The following ZSCAN12 variants were observed in gnomAD, a reference collection of about 807,000 sequenced individuals.
ZSCAN12 encodes zinc finger and SCAN domain-containing protein 12.
ZSCAN12 carries 18 observed loss-of-function variants against 23.4 expected under a neutral mutation model. The observed-to-expected ratio is 0.77, with a 90% CI of 0.53 to 1.14. The LOEUF is 1.14. Among genes scored for constraint, ZSCAN12 ranks in the 50% most tolerant of loss-of-function variants. The probability of loss-of-function intolerance (pLI) is 0.00; values close to 1 mark genes in which losing one functional copy is unlikely to be tolerated. For synonymous variants in ZSCAN12, 186 were observed against 253.4 expected, an observed-to-expected ratio of 0.73 and a Z score of 2.53; for missense variants, 650 against 735.0, an observed-to-expected ratio of 0.88 and a Z score of 1.34.
Position 28,390,814 on chromosome 6 carries a change from A to C in ZSCAN12, c.1476T>G (p.Thr492=), listed in dbSNP as rs972769129. 8.8e-6 allele frequency: 14 copies of C among 1,599,240 alleles called. No individual in the cohort carries two copies. Among genetic ancestry groups the C allele is most frequent in the Non-Finnish European group, 1.2e-5 (14 of 1,172,368 alleles). The part of the protein sequence containing the change: ...TSLTEHQRIH[T]GERPYKCDKC... ...TATCACATTTATAGGGTCTTTCTCC[A>C]GTGTGAATTCGCTGATGTTCTGTAA... The change falls in exon 4 of 4, where the codon ACT becomes ACG. Residue 492 remains threonine (T), a synonymous_variant. Transcript: ENST00000684592.
chr6:28,392,826 A>T lies in ZSCAN12; in HGVS notation c.547+76T>A, dbSNP rs115985571. ...TTTGACTTTAATGATCAGAAACAGT[A>T]GCAAGTACAAAAAAGCCCCAATGTC... On this transcript the variant is annotated intron_variant, in intron 3 of 3. Coordinates refer to ENST00000684592, the MANE Select transcript of ZSCAN12 (RefSeq NM_001163391.2). The T allele has an allele frequency of 2.6e-3, 3,842 of 1,480,344 alleles. 81 individuals are homozygous for T. The African/African-American group carries it at 0.045, about 17-fold the overall frequency. The allele number at this position is 1,480,344 out of a possible 1,614,324, so 91.7% of individuals were successfully genotyped here.
At chr6:28,381,214 A>G (rs1760217913), downstream of ZSCAN12, 1 of 152,240 alleles carries the variant, frequency 6.6e-6, no homozygotes, top group Admixed American at 6.5e-5. Context: ...AAACCAAGAG[A>G]AAGTTTAATT....
chr6:28,396,628 G>A (rs1391354656), intron 2 of ZSCAN12, among the ~76,000 whole-genome samples: 3 of 151,600 alleles, frequency 2.0e-5, no homozygotes, highest in Admixed American at 1.3e-4. Context: ...TTTTTTAAAC[G>A]GAGTCTCACT....
At position 28,393,001 on chromosome 6, in the gene ZSCAN12, C is replaced by T. The variant is rs1432936368; in HGVS notation, c.448G>A (p.Val150Ile). ...GEQEMFLQET[V>I]RLRKEGEPSM... ...GGTTCTCCTTCTTTTCGTAGACGTA[C>T]CGTCTCCTGCAAGAACATTTCCTGT... The change falls in exon 3 of 4, where the codon GTA becomes ATA. Residue 150 changes from valine (V) to isoleucine (I), a missense_variant. Coordinates refer to ENST00000684592, the MANE Select transcript of ZSCAN12 (RefSeq NM_001163391.2). 1.3e-6 allele frequency: 2 copies of T among 1,551,842 alleles called. No homozygotes were observed. The highest frequency in any genetic ancestry group is 8.7e-7 in the Non-Finnish European group (1 of 1,146,984).
downstream of ZSCAN12, chr6:28,381,675 CAG>C (rs1760251817): frequency 6.6e-6 from 1 of 152,070 alleles, no homozygotes; most frequent in Non-Finnish European, 1.5e-5. Flanking sequence ...TCTTTCTCTC[CAG>C]AGATGCTCTC....
rs945210026 is a variant in ZSCAN12 at position 28,385,705 on chromosome 6, G to A, written c.*4749C>T. Among the ~76,000 whole-genome samples, 73 of 152,178 alleles carry A rather than the reference G, an allele frequency of 4.8e-4. No individual in the cohort carries two copies. The highest frequency in any genetic ancestry group is 1.5e-3 in the Admixed American group (23 of 15,282). ...CTGAAAGTGAAATGTTGTAAGTAAA[G>A]CATTTAGTAATGTCTGGCCCTTAGT... is the stretch of plus-strand genomic sequence containing the variant. On this transcript the variant is annotated 3_prime_UTR_variant, in exon 4 of 4. Transcript: ENST00000684592.
At chr6:28,396,534 C>T (rs1203852955) in intron 2 of ZSCAN12, among the ~76,000 whole-genome samples, 2 of 152,196 alleles carry the variant, frequency 1.3e-5, no homozygotes, top group South Asian at 2.1e-4. Flanking sequence ...CACTTCCAAA[C>T]AGTTCTTACC....
In ZSCAN12 at chr6:28,388,027, C is replaced by A. The variant is rs1023463593; in HGVS notation, c.*2427G>T. On this transcript the variant is annotated 3_prime_UTR_variant, in exon 4 of 4. Transcript: ENST00000684592. ...GGCTTTGGAGCCGCAAGCAGCTGAA[C>A]CTTGGTTTGGTTACAAGTTTGCATT... Among the ~76,000 whole-genome samples, 1 of 152,260 alleles carries A rather than the reference C, an allele frequency of 6.6e-6. No individual in the cohort carries two copies. Among genetic ancestry groups the A allele is most frequent in the South Asian group, 2.1e-4 (1 of 4,826 alleles).
chr6:28,380,356 GAAGC>G (rs769585255), downstream of ZSCAN12: 2 of 152,296 alleles, frequency 1.3e-5, no homozygotes, highest in South Asian at 4.1e-4. Context: ...CTCCAATGCT[GAAGC>G]AAGCATCTCC....
chr6:28,390,030 C>T lies in ZSCAN12; in HGVS notation c.*424G>A, dbSNP rs36092177. 0.055 allele frequency among the ~76,000 whole-genome samples: 8,304 copies of T among 152,222 alleles called. 329 individuals are homozygous for T. Among genetic ancestry groups the T allele is most frequent in the Non-Finnish European group, 0.088 (5,973 of 68,014 alleles). On this transcript the variant is annotated 3_prime_UTR_variant, in exon 4 of 4. Transcript: ENST00000684592. Reference sequence around the variant, plus strand: ...TATGATGGCTTACATTTGTTTTACCCGCTTTCTCCCTTTTGACTGCTAAGT... The same window carrying T: ...TATGATGGCTTACATTTGTTTTACCTGCTTTCTCCCTTTTGACTGCTAAGT...
rs553111564 is a variant in ZSCAN12, at chr6:28,385,489, A to G, written c.*4965T>C. Reference sequence around the variant, plus strand: ...GACTGGAGATAAAAAGTTTTTACAGATAATTACTCAAGACACTGAATTACC... The same window carrying G: ...GACTGGAGATAAAAAGTTTTTACAGGTAATTACTCAAGACACTGAATTACC... On this transcript the variant is annotated 3_prime_UTR_variant, in exon 4 of 4. Coordinates refer to ENST00000684592, the MANE Select transcript of ZSCAN12 (RefSeq NM_001163391.2). 1.2e-3 allele frequency among the ~76,000 whole-genome samples: 183 copies of G among 152,316 alleles called. 1 individual carries two copies. Among genetic ancestry groups the G allele is most frequent in the Non-Finnish European group, 2.1e-3 (143 of 68,026 alleles).
intron 2 of ZSCAN12, 114 bp from the exon 3 acceptor site, chr6:28,393,160 G>T (rs1459864952): frequency 4.5e-6 from 5 of 1,099,564 alleles, no homozygotes; most frequent in African/African-American, 1.6e-5. Flanking sequence ...ATATAAGCCT[G>T]CCATAACCCT....
rs9468365 is a variant in ZSCAN12 at position 28,390,189 on chromosome 6, A to T, written c.*265T>A. On this transcript the variant is annotated 3_prime_UTR_variant, in exon 4 of 4. Coordinates refer to ENST00000684592, the MANE Select transcript of ZSCAN12 (RefSeq NM_001163391.2). ...TTCATTCGACACCATCTGGTGCATC[A>T]ATTCTACTCTCCTGTAGTCTTATAT... 0.35 allele frequency among the ~76,000 whole-genome samples: 53,790 copies of T among 152,050 alleles called. 10,241 individuals carry two copies. Among genetic ancestry groups the T allele is most frequent in the African/African-American group, 0.5 (20,523 of 41,458 alleles).
In ZSCAN12 at chr6:28,398,103, C is replaced by G; in HGVS notation, c.303G>C (p.Glu101Asp). 3.1e-6 allele frequency: 5 copies of G among 1,614,140 alleles called. No homozygotes were observed. The Admixed American group carries it at 6.7e-5, about 22-fold the overall frequency. ...GCTGCTCCTGCACCCAGGCCTGGAG[C>G]TCCTCAGGTAGGATGGTCAGGAACT... Reference protein sequence around the residue: ...LEQFLTILPEELQAWVQEQHP... With the variant: ...LEQFLTILPEDLQAWVQEQHP... The change falls in exon 2 of 4, where the codon GAG (glutamate) becomes GAC (aspartate). Residue 101 changes from glutamate to aspartate, a missense_variant. Transcript: ENST00000684592.
At position 28,398,132 on chromosome 6, in the gene ZSCAN12, C is replaced by T; in HGVS notation, c.274G>A (p.Glu92Lys). The T allele has an allele frequency of 6.2e-7, 1 of 1,614,142 alleles. No homozygotes were observed. Among genetic ancestry groups the T allele is most frequent in the Non-Finnish European group, 8.5e-7 (1 of 1,180,024 alleles). ...TCAGGTAGGATGGTCAGGAACTGCT[C>T]CAGCACCAGCAGCTCCAGAATCTGT... ...KEQILELLVLEQFLTILPEEL... is the reference protein window; with the variant it reads ...KEQILELLVLKQFLTILPEEL... Residue 92 changes from glutamate to lysine, a missense_variant, in exon 2 of 4, where the codon GAG becomes AAG. Physicochemically the swap from Glu to Lys is moderately conservative, Grantham distance 56 (BLOSUM62 1). Transcript: ENST00000684592.
rs1169078388 is a variant in ZSCAN12, at chr6:28,389,544, A to C, written c.*910T>G. 6.6e-6 allele frequency among the ~76,000 whole-genome samples: 1 copy of C among 152,206 alleles called. No homozygotes were observed. Among genetic ancestry groups the C allele is most frequent in the Non-Finnish European group, 1.5e-5 (1 of 68,028 alleles). ...TATTAAGTAACTGTGGAGCTATAAA[A>C]ATGAAGATTCTCAACTCCCATCCTA... On this transcript the variant is annotated 3_prime_UTR_variant, in exon 4 of 4. Coordinates refer to ENST00000684592, the MANE Select transcript of ZSCAN12 (RefSeq NM_001163391.2).
chr6:28,398,504 A>C, intron 1 of ZSCAN12, 31 bp from the exon 2 acceptor site: 1 of 1,274,918 alleles, frequency 7.8e-7, no homozygotes, highest in Non-Finnish European at 1.0e-6. Context: ...ATTAATACAA[A>C]CTCCACCATA....
Position 28,385,337 on chromosome 6 carries a change from G to A in ZSCAN12, c.*5117C>T, listed in dbSNP as rs180839010. Among the ~76,000 whole-genome samples the A allele has an allele frequency of 9.1e-4, 139 of 152,318 alleles. No homozygotes were observed. Among genetic ancestry groups the A allele is most frequent in the Admixed American group, 2.4e-3 (37 of 15,296 alleles). On this transcript the variant is annotated 3_prime_UTR_variant, in exon 4 of 4. Transcript: ENST00000684592. ...CTCCTGTGACACCCTCACTGTGCAG[G>A]CAACAAGAAGTAGAGCTGTTTATGC...
chr6:28,388,624 G>T lies in ZSCAN12; in HGVS notation c.*1830C>A, dbSNP rs188724146. On this transcript the variant is annotated 3_prime_UTR_variant, in exon 4 of 4. Coordinates refer to ENST00000684592, the MANE Select transcript of ZSCAN12 (RefSeq NM_001163391.2). ...ACAAAGACACAGGGCTGTGTAGAAAGGTAATTAGGAGTGGGACTTACTAAG... is the reference window on the plus strand; with the variant it reads ...ACAAAGACACAGGGCTGTGTAGAAATGTAATTAGGAGTGGGACTTACTAAG... Among the ~76,000 whole-genome samples, 3 of 152,216 alleles carry T rather than the reference G, an allele frequency of 2.0e-5. No individual in the cohort carries two copies. The highest frequency in any genetic ancestry group is 7.2e-5 in the African/African-American group (3 of 41,532).
Sources: gnomAD v4.1 joint callset for allele counts (sites outside exome capture counted in the v4.1 genomes callset) on GRCh38, gnomAD v4.1.1 for gene constraint, MANE v1.5 for transcripts, NCBI Gene and HGNC (gene_info 2026-07-23, HGNC 2026-07-21) for gene names.